PDZD2: variants seen among roughly 807,000 people sequenced by gnomAD.
The protein encoded by PDZD2 is PDZ domain containing 2.
In PDZD2, 90 loss-of-function variants were observed where a neutral mutation model predicts 220.7. That is an observed-to-expected ratio of 0.41 (90% CI 0.34 to 0.49). The LOEUF (loss-of-function observed/expected upper bound fraction) is 0.49. PDZD2 is among the 20% of genes least tolerant of loss of function. PDZD2 has a pLI of 0.28. For missense variants in PDZD2, 3,174 were observed against 3,608.5 expected (o/e 0.88, Z 3.08); for synonymous variants, 1,375 against 1,450.5 (o/e 0.95, Z 1.18).
chr5:31,758,992 C>T (rs1751464767), intron 1 of PDZD2, among the ~76,000 whole-genome samples: 1 of 152,132 alleles, frequency 6.6e-6, no homozygotes, highest in South Asian at 2.1e-4. Flanking sequence ...CCTCTTCCAC[C>T]TCCATTTCCA....
At chr5:32,002,603 CCA>C (rs1224507953) in intron 5 of PDZD2, among the ~76,000 whole-genome samples, 2 of 131,806 alleles carry the variant, frequency 1.5e-5, no homozygotes. Context: ...CACACACACA[CCA>C]CACACACACC....
chr5:32,002,672 CACACACACCA>C (rs1164267706), intron 5 of PDZD2, among the ~76,000 whole-genome samples: 3 of 133,718 alleles, frequency 2.2e-5, no homozygotes, highest in East Asian at 2.3e-4. Flanking sequence ...ACACACACCA[CACACACACCA>C]ACACACACCA....
At chr5:31,951,973 A>G (rs1318917494) in intron 2 of PDZD2, among the ~76,000 whole-genome samples, 1 of 152,210 alleles carries the variant, frequency 6.6e-6, no homozygotes, top group Admixed American at 6.5e-5. Context: ...TCTATTTTGA[A>G]TACAGATCTT....
intron 2 of PDZD2, among the ~76,000 whole-genome samples, chr5:31,902,050 A>G (rs1007972410): frequency 1.3e-5 from 2 of 152,226 alleles, no homozygotes; most frequent in African/African-American, 4.8e-5. Flanking sequence ...ACGAACATTC[A>G]TGTACGAGAT....
At chr5:32,047,282 T>A in intron 7 of PDZD2, among the ~76,000 whole-genome samples, 1 of 152,174 alleles carries the variant, frequency 6.6e-6, no homozygotes, top group African/African-American at 2.4e-5. Context: ...AATTAAAGAC[T>A]GACACTGCCC....
Position 32,088,301 on chromosome 5 carries a change from C to T in PDZD2, c.4853C>T (p.Pro1618Leu). 1 of 1,614,080 alleles carries T rather than the reference C, an allele frequency of 6.2e-7. No homozygotes were observed. Among genetic ancestry groups the T allele is most frequent in the Non-Finnish European group, 8.5e-7 (1 of 1,179,984 alleles). ...CCACCCTCGAGTCCTGCTCATCTTC[C>T]CACCCAGGCTGCCATCTGTCCTGCC... ...PNPPSSPAHL[P>L]TQAAICPASA... The change falls in exon 20 of 25, where the codon CCC becomes CTC. Residue 1618 changes from proline (P) to leucine (L), a missense_variant. Transcript: ENST00000438447. The surrounding 1 kb of genome is among the most constrained non-coding windows in gnomAD (Gnocchi z 4.6).
In PDZD2 at chr5:32,091,574, C is replaced by T. The variant is rs1000568307; in HGVS notation, c.7727+399C>T. Reference sequence around the variant, plus strand: ...CCGGGATTACAGGTGTGAGCCACTGCACCCGGCCACTTCTTACCCACTCTT... The same window carrying T: ...CCGGGATTACAGGTGTGAGCCACTGTACCCGGCCACTTCTTACCCACTCTT... On this transcript the variant is annotated intron_variant, in intron 20 of 24. Transcript: ENST00000438447. 3.9e-5 allele frequency among the ~76,000 whole-genome samples: 6 copies of T among 152,252 alleles called. No individual in the cohort carries two copies. The South Asian group carries it at 1.2e-3, about 32-fold the overall frequency.
intron 2 of PDZD2, among the ~76,000 whole-genome samples, chr5:31,879,976 C>G (rs558810824): frequency 6.7e-6 from 1 of 149,022 alleles, no homozygotes; most frequent in Non-Finnish European, 1.5e-5. Flanking sequence ...TGCAATGGCA[C>G]GATCTCAGCT....
intron 1 of PDZD2, among the ~76,000 whole-genome samples, chr5:31,775,868 G>A (rs888496056): frequency 3.9e-5 from 6 of 152,048 alleles, no homozygotes; most frequent in South Asian, 2.1e-4. Context: ...GTGAGCTTCC[G>A]GTAACAAACC....
intron 1 of PDZD2, among the ~76,000 whole-genome samples, chr5:31,768,021 C>A (rs1752126775): frequency 1.3e-5 from 2 of 152,226 alleles, no homozygotes; most frequent in Admixed American, 1.3e-4. Context: ...GTGAGGTCAG[C>A]TCTTCCTTCC....
intron 2 of PDZD2, among the ~76,000 whole-genome samples, chr5:31,970,827 A>G (rs1749233715): frequency 1.3e-5 from 2 of 152,110 alleles, no homozygotes; most frequent in Non-Finnish European, 2.9e-5. Flanking sequence ...GACCTAGGAA[A>G]TCCCCCTAAA....
intron 1 of PDZD2, among the ~76,000 whole-genome samples, chr5:31,711,766 G>A (rs378213): frequency 0.75 from 114,215 of 152,130 alleles, 43,005 homozygotes; most frequent in East Asian, 0.94. Context: ...ACGATTGCCC[G>A]TGGCTGGAGC....
chr5:32,107,883 A>T, intron 24 of PDZD2, 86 bp from the exon 25 acceptor site: 4 of 748,346 alleles, frequency 5.3e-6, no homozygotes, highest in Non-Finnish European at 8.8e-6. Flanking sequence ...AGATATTTTT[A>T]TCACTTAAAA....
At chr5:31,711,875 G>A (rs549610500) in intron 1 of PDZD2, among the ~76,000 whole-genome samples, 53 of 152,202 alleles carry the variant, frequency 3.5e-4, no homozygotes, top group Non-Finnish European at 7.1e-4. Context: ...CAGAAGGAGG[G>A]GGAGTTTGCC....
chr5:31,961,390 C>T (rs931804948), intron 2 of PDZD2, among the ~76,000 whole-genome samples: 8 of 144,134 alleles, frequency 5.6e-5, no homozygotes, highest in African/African-American at 2.1e-4. Context: ...AAAAAATTAG[C>T]CAGGCATGAT....
chr5:32,009,163 T>G (rs1423604242), intron 5 of PDZD2, among the ~76,000 whole-genome samples: 1 of 151,112 alleles, frequency 6.6e-6, no homozygotes, highest in Admixed American at 6.6e-5. Flanking sequence ...GCCAACATAG[T>G]GAAAACCCCG....
chr5:31,750,350 TG>T, intron 1 of PDZD2, among the ~76,000 whole-genome samples: 1 of 152,222 alleles, frequency 6.6e-6, no homozygotes, highest in East Asian at 1.9e-4. Flanking sequence ...TTAGCTCCTT[TG>T]GGCAGGGCCC....
intron 3 of PDZD2, among the ~76,000 whole-genome samples, chr5:31,986,024 A>G (rs565420925): frequency 6.7e-5 from 10 of 150,262 alleles, no homozygotes; most frequent in Non-Finnish European, 1.5e-4. Context: ...GCGGTGAGCC[A>G]AGATCGCGCC....
At chr5:31,874,192 C>CA in intron 2 of PDZD2, among the ~76,000 whole-genome samples, 1 of 152,292 alleles carries the variant, frequency 6.6e-6, no homozygotes, top group East Asian at 1.9e-4. Flanking sequence ...ATTATGGACT[C>CA]AGAGTTTACT....
Sources: gnomAD v4.1 joint callset for allele counts (sites outside exome capture counted in the v4.1 genomes callset) on GRCh38, gnomAD v4.1.1 for gene constraint, Gnocchi (gnomAD v3.1) non-coding constraint, MANE v1.5 for transcripts, NCBI Gene and HGNC (gene_info 2026-07-23, HGNC 2026-07-21) for gene names.